KIRREL3: variants seen among roughly 807,000 people sequenced by gnomAD.
The protein encoded by KIRREL3 is kirre like nephrin family adhesion molecule 3.
In KIRREL3, 36 loss-of-function variants were observed where a neutral mutation model predicts 89.7. That is an observed-to-expected ratio of 0.40 (90% CI 0.31 to 0.53). The LOEUF (loss-of-function observed/expected upper bound fraction) is 0.53, where lower values mean the gene tolerates loss of function less well. KIRREL3 is among the 20% of genes least tolerant of loss of function. The probability of loss-of-function intolerance (pLI) is 0.49; values close to 1 mark genes in which losing one functional copy is unlikely to be tolerated. For synonymous variants in KIRREL3, 445 were observed against 441.4 expected (o/e 1.01, Z -0.10); for missense variants, 864 against 1,056.6 (o/e 0.82, Z 2.53).
At chr11:126,838,207 C>T (rs895321396) in intron 1 of KIRREL3, among the ~76,000 whole-genome samples, 16 of 152,180 alleles carry the variant, frequency 1.1e-4, no homozygotes, top group Admixed American at 2.0e-4. Context: ...GCAATTTGAA[C>T]GACCCATCCT....
At chr11:126,644,676 A>G (rs1039340929) in intron 1 of KIRREL3, among the ~76,000 whole-genome samples, 9 of 152,224 alleles carry the variant, frequency 5.9e-5, no homozygotes, top group African/African-American at 2.2e-4. Flanking sequence ...GGTACAGTGG[A>G]TGGAAATATT....
rs555082724 is a variant in KIRREL3 at position 126,544,773 on chromosome 11, C to G, written c.133+18062G>C. On this transcript the variant is annotated intron_variant, in intron 2 of 16. Coordinates refer to ENST00000525144, the MANE Select transcript of KIRREL3 (RefSeq NM_032531.4). The surrounding 1 kb of genome is among the most constrained non-coding windows in gnomAD (Gnocchi z 5.6). ...ATCGCCTAAGCCCTTTCTTCTCTTG[C>G]AAGTCCGTTGCTGCCTGGGAAGCAG... Among the ~76,000 whole-genome samples the G allele has an allele frequency of 1.3e-4, 20 of 152,286 alleles. No homozygotes were observed. Among genetic ancestry groups the G allele is most frequent in the Admixed American group, 7.2e-4 (11 of 15,306 alleles).
Position 126,897,518 on chromosome 11 carries a change from G to A in KIRREL3, c.55+102937C>T, listed in dbSNP as rs1205358427. 1.3e-5 allele frequency among the ~76,000 whole-genome samples: 2 copies of A among 152,152 alleles called. No individual in the cohort carries two copies. ...CCATCTAACACCACCCCCAAAAGGA[G>A]TAGAACAGGAAACCAGCTCCCACAG... On this transcript the variant is annotated intron_variant, in intron 1 of 16. Coordinates refer to ENST00000525144, the MANE Select transcript of KIRREL3 (RefSeq NM_032531.4). The surrounding 1 kb of genome is among the most constrained non-coding windows in gnomAD (Gnocchi z 4.2).
intron 1 of KIRREL3, among the ~76,000 whole-genome samples, chr11:126,911,811 G>C (rs981444073): frequency 6.6e-6 from 1 of 151,936 alleles, no homozygotes; most frequent in Non-Finnish European, 1.5e-5. Context: ...GTGAAACCCT[G>C]TCTCTACTAA....
In KIRREL3 at chr11:126,525,043, CA is replaced by C. The variant is rs983865919; in HGVS notation, c.283+1494del. Among the ~76,000 whole-genome samples, 1 of 152,194 alleles carries C rather than the reference CA, an allele frequency of 6.6e-6. No individual in the cohort carries two copies. Among genetic ancestry groups the C allele is most frequent in the Non-Finnish European group, 1.5e-5 (1 of 68,028 alleles). On this transcript the variant is annotated intron_variant, in intron 3 of 16. Transcript: ENST00000525144. This position sits in a 1 kb window ranked among gnomAD's most constrained non-coding sequence, Gnocchi z 5.4. ...CAGTTTGTCAGAGGCCATTGTTCTG[CA>C]GCCCTAAGCAGGTACCAGTCCTGGA...
intron 1 of KIRREL3, among the ~76,000 whole-genome samples, chr11:126,799,621 AGGGAAGAATCT>A (rs1173933160): frequency 6.6e-6 from 1 of 152,116 alleles, no homozygotes; most frequent in Non-Finnish European, 1.5e-5. Context: ...GCAGAAAACT[AGGGAAGAATCT>A]GGTTTCACTC....
chr11:126,589,445 A>G (rs1171297034), intron 1 of KIRREL3, among the ~76,000 whole-genome samples: 1 of 152,206 alleles, frequency 6.6e-6, no homozygotes, highest in Non-Finnish European at 1.5e-5. Context: ...ACCAGCAGGC[A>G]GGGACTCAGG....
At position 126,845,955 on chromosome 11, in the gene KIRREL3, A is replaced by C. The variant is rs143717942; in HGVS notation, c.55+154500T>G. On this transcript the variant is annotated intron_variant, in intron 1 of 16. Coordinates refer to ENST00000525144, the MANE Select transcript of KIRREL3 (RefSeq NM_032531.4). Reference sequence around the variant, plus strand: ...CTTGTTTGGGGGGAAAAAACACACAAAAAAAACACAAAAAACCTCTGTTTT... The same window carrying C: ...CTTGTTTGGGGGGAAAAAACACACACAAAAAACACAAAAAACCTCTGTTTT... Among the ~76,000 whole-genome samples, 839 of 152,220 alleles carry C rather than the reference A, an allele frequency of 5.5e-3. 8 individuals carry two copies. Among genetic ancestry groups the C allele is most frequent in the African/African-American group, 0.018 (746 of 41,546 alleles).
Position 126,697,529 on chromosome 11 carries a change from T to C in KIRREL3, c.56-134617A>G, listed in dbSNP as rs1215782137. Among the ~76,000 whole-genome samples, 1 of 152,236 alleles carries C rather than the reference T, an allele frequency of 6.6e-6. No homozygotes were observed. The highest frequency in any genetic ancestry group is 1.5e-5 in the Non-Finnish European group (1 of 68,048). On this transcript the variant is annotated intron_variant, in intron 1 of 16. Coordinates refer to ENST00000525144, the MANE Select transcript of KIRREL3 (RefSeq NM_032531.4). The surrounding 1 kb of genome is among the most constrained non-coding windows in gnomAD (Gnocchi z 4.2). Reference sequence around the variant, plus strand: ...CCTACGACTGTGACACAACTGATGCTCAGTGGCTCTTTGTTTAATGAATGA... The same window carrying C: ...CCTACGACTGTGACACAACTGATGCCCAGTGGCTCTTTGTTTAATGAATGA...
chr11:126,631,956 C>T (rs1055753445), intron 1 of KIRREL3, among the ~76,000 whole-genome samples: 1 of 152,146 alleles, frequency 6.6e-6, no homozygotes, highest in African/African-American at 2.4e-5. Context: ...GAAAGGATGG[C>T]TTCCTAGACT....
At chr11:126,902,892 CTT>C (rs1409436393) in intron 1 of KIRREL3, among the ~76,000 whole-genome samples, 2 of 152,170 alleles carry the variant, frequency 1.3e-5, no homozygotes, top group Admixed American at 6.5e-5. Context: ...CTCAGAAAGA[CTT>C]TTCTTTAAAT....
At chr11:126,907,067 A>G (rs776889451) in intron 1 of KIRREL3, among the ~76,000 whole-genome samples, 3 of 152,200 alleles carry the variant, frequency 2.0e-5, no homozygotes, top group African/African-American at 7.2e-5. Context: ...CACACCATAA[A>G]TGAATCAGGC....
chr11:126,641,411 C>G lies in KIRREL3; in HGVS notation c.56-78499G>C, dbSNP rs1474498645. On this transcript the variant is annotated intron_variant, in intron 1 of 16. Transcript: ENST00000525144. This position sits in a 1 kb window ranked among gnomAD's most constrained non-coding sequence, Gnocchi z 5.0. The stretch of plus-strand genomic sequence containing the variant: ...TCACAAAGCTACTTGCCACTCTCAT[C>G]AGATCAGGGTGCAGGGTGTCATGAG... Among the ~76,000 whole-genome samples the G allele has an allele frequency of 6.6e-6, 1 of 151,986 alleles. No homozygotes were observed. The highest frequency in any genetic ancestry group is 1.5e-5 in the Non-Finnish European group (1 of 68,002).
intron 1 of KIRREL3, among the ~76,000 whole-genome samples, chr11:126,950,719 G>A (rs1458654795): frequency 1.3e-5 from 2 of 152,204 alleles, no homozygotes; most frequent in African/African-American, 4.8e-5. Flanking sequence ...GAAGGAGGAG[G>A]TGGAGAGCCA....
chr11:126,445,056 T>G lies in KIRREL3; in HGVS notation c.1175A>C (p.Asp392Ala). ...TLTLKSVRQEDAGKYVCRAVV... is the reference protein window; with the variant it reads ...TLTLKSVRQEAAGKYVCRAVV... ...AGCCCGGCACACGTACTTGCCCGCG[T>G]CCTCCTGGCGCACGGATTTGAGGGT... The change falls in exon 10 of 17, where the codon GAC becomes GCC. Residue 392 changes from aspartate to alanine, a missense_variant. By Grantham distance (126) the Asp-to-Ala change is moderately radical. Coordinates refer to ENST00000525144, the MANE Select transcript of KIRREL3 (RefSeq NM_032531.4). The G allele has an allele frequency of 6.2e-7, 1 of 1,613,936 alleles. No homozygotes were observed. Among genetic ancestry groups the G allele is most frequent in the Non-Finnish European group, 8.5e-7 (1 of 1,179,894 alleles).
rs766141108 is a variant in KIRREL3, at chr11:126,425,686, T to C, written c.1845A>G (p.Lys615=). 1.9e-6 allele frequency: 3 copies of C among 1,599,178 alleles called. No individual in the cohort carries two copies. The highest frequency in any genetic ancestry group is 2.6e-6 in the Non-Finnish European group (3 of 1,172,244). ...RGEFQQDSVL[K]QLEVLKEEEK... is the part of the protein sequence containing the mutation. ...CCTCTTCTTTGAGGACCTCCAGCTG[T>C]TTCAGGACTGAGTCTTGCTGGAATT... The change falls in exon 16 of 17, where the codon AAA becomes AAG. Residue 615 remains lysine (K), a synonymous_variant. Coordinates refer to ENST00000525144, the MANE Select transcript of KIRREL3 (RefSeq NM_032531.4).
chr11:126,618,544 C>A (rs1162713478), intron 1 of KIRREL3, among the ~76,000 whole-genome samples: 3 of 152,180 alleles, frequency 2.0e-5, no homozygotes, highest in African/African-American at 7.2e-5. Context: ...AAGCGATTCT[C>A]CTGCGTCAGC....
In KIRREL3 at chr11:126,912,754, C is replaced by T. The variant is rs1350834553; in HGVS notation, c.55+87701G>A. Among the ~76,000 whole-genome samples, 2 of 152,242 alleles carry T rather than the reference C, an allele frequency of 1.3e-5. No homozygotes were observed. Among genetic ancestry groups the T allele is most frequent in the African/African-American group, 4.8e-5 (2 of 41,462 alleles). ...CCTGCTGTATCAGCCTAATTACCAG[C>T]CTCTCCTTCCATTCCTGCTGGCATG... On this transcript the variant is annotated intron_variant, in intron 1 of 16. Coordinates refer to ENST00000525144, the MANE Select transcript of KIRREL3 (RefSeq NM_032531.4). This position sits in a 1 kb window ranked among gnomAD's most constrained non-coding sequence, Gnocchi z 4.7.
At chr11:126,916,958 G>T (rs1296946185) in intron 1 of KIRREL3, among the ~76,000 whole-genome samples, 1 of 152,062 alleles carries the variant, frequency 6.6e-6, no homozygotes, top group African/African-American at 2.4e-5. Flanking sequence ...GTTTCTGCGG[G>T]GACAGTTGGT....
Sources: allele counts gnomAD v4.1 joint callset (sites outside exome capture counted in the v4.1 genomes callset), GRCh38; gene constraint gnomAD v4.1.1; non-coding constraint Gnocchi (gnomAD v3.1); transcripts MANE v1.5; gene names NCBI Gene and HGNC (gene_info 2026-07-23, HGNC 2026-07-21).